Variants in STAT3 observed in about 807,000 individuals in gnomAD.
STAT3 encodes the protein signal transducer and activator of transcription 3, also known as DNA-binding protein APRF.
In STAT3, 7 loss-of-function variants were observed where a neutral mutation model predicts 114.3. The ratio of observed to expected loss-of-function variants is 0.06; its 90% CI spans 0.03 to 0.11. The LOEUF (loss-of-function observed/expected upper bound fraction) is 0.11, where lower values mean the gene tolerates loss of function less well. STAT3 is among the 10% of genes least tolerant of loss of function. STAT3 has a pLI of 1.00. For synonymous variants in STAT3, 331 were observed against 354.5 expected, an observed-to-expected ratio of 0.93 and a Z score of 0.74; for missense variants, 364 against 960.9, an observed-to-expected ratio of 0.38 and a Z score of 8.21.
At chr17:42,380,104 A>G (rs1055592237) in intron 1 of STAT3, among the ~76,000 whole-genome samples, 2 of 151,518 alleles carry the variant, frequency 1.3e-5, no homozygotes, top group African/African-American at 2.4e-5. Flanking sequence ...GCGCGATCTC[A>G]GCTCACTGCA....
chr17:42,373,686 G>A (rs970945265), intron 1 of STAT3, among the ~76,000 whole-genome samples: 2 of 151,784 alleles, frequency 1.3e-5, no homozygotes, highest in African/African-American at 2.4e-5. Flanking sequence ...TCAGGAGATC[G>A]AGACCATCCT....
At chr17:42,352,391 G>A (rs2083012012) in intron 1 of STAT3, among the ~76,000 whole-genome samples, 1 of 152,068 alleles carries the variant, frequency 6.6e-6, no homozygotes, top group African/African-American at 2.4e-5. Flanking sequence ...ACCTGCCACA[G>A]GACAAATGCT....
rs184004630 is a variant in STAT3 at position 42,342,155 on chromosome 17, G to A, written c.373-2746C>T. On this transcript the variant is annotated intron_variant, in intron 4 of 23. Transcript: ENST00000264657. Reference sequence around the variant, plus strand: ...CACAGTAAGTGTTACCTACCACCTCGCTCACACCTGAGCATATCAGTTTTC... The same window carrying A: ...CACAGTAAGTGTTACCTACCACCTCACTCACACCTGAGCATATCAGTTTTC... 3.3e-5 allele frequency among the ~76,000 whole-genome samples: 5 copies of A among 150,656 alleles called. No homozygotes were observed. In the East Asian group the frequency reaches 5.9e-4, roughly 18 times the overall value.
At position 42,316,763 on chromosome 17, in the gene STAT3, A is replaced by T. The variant is rs371680667; in HGVS notation, c.2257+26T>A. 5.0e-6 allele frequency: 8 copies of T among 1,613,416 alleles called. No individual in the cohort carries two copies. In the African/African-American group the frequency reaches 9.3e-5, roughly 19 times the overall value. ...AAGGGGACCAACTTCCCTTATAGGG[A>T]CAAAGTCTGTCAACCAAATACTCAC... is the stretch of plus-strand genomic sequence containing the variant. On this transcript the variant is annotated intron_variant, in intron 23 of 23. Coordinates refer to ENST00000264657, the MANE Select transcript of STAT3 (RefSeq NM_139276.3).
intron 2 of STAT3, among the ~76,000 whole-genome samples, chr17:42,347,081 G>A (rs921626929): frequency 6.6e-6 from 1 of 151,322 alleles, no homozygotes; most frequent in Non-Finnish European, 1.5e-5. Flanking sequence ...CCAGCTACTC[G>A]GGAGGCTGAG....
chr17:42,328,477 G>A (rs1481923169), intron 14 of STAT3, among the ~76,000 whole-genome samples: 1 of 152,056 alleles, frequency 6.6e-6, no homozygotes, highest in Non-Finnish European at 1.5e-5. Context: ...GCAAAATCTT[G>A]GCTCACTGCA....
chr17:42,379,350 G>T (rs1346724845), intron 1 of STAT3, among the ~76,000 whole-genome samples: 1 of 152,150 alleles, frequency 6.6e-6, no homozygotes, highest in Non-Finnish European at 1.5e-5. Context: ...CAAGCTGGGT[G>T]GTTCTTAACT....
At chr17:42,323,790 C>T (rs918044041) in intron 17 of STAT3, among the ~76,000 whole-genome samples, 165 bp from the exon 18 acceptor site, 3 of 152,188 alleles carry the variant, frequency 2.0e-5, no homozygotes, top group Admixed American at 2.0e-4. Flanking sequence ...TGAGGACAAA[C>T]ACTATCCCAT....
intron 14 of STAT3, among the ~76,000 whole-genome samples, chr17:42,326,507 TA>T (rs564681604): frequency 1.7e-4 from 24 of 142,180 alleles, no homozygotes; most frequent in South Asian, 4.5e-4. Context: ...GACCCTGTCT[TA>T]AAAAAAAATT....
In STAT3 at chr17:42,339,498, C is replaced by T. The variant is rs926612794; in HGVS notation, c.373-89G>A. The T allele has an allele frequency of 5.2e-6, 7 of 1,352,110 alleles. No homozygotes were observed. The African/African-American group carries it at 7.2e-5, about 14-fold the overall frequency. The allele number at this position is 1,352,110 out of a possible 1,614,324, so 83.8% of individuals were successfully genotyped here. The stretch of plus-strand genomic sequence containing the variant: ...CAGCTTCCATCCCACCCTAACTACC[C>T]TTCTTGTTTGGCTTGAGACGCTGCT... On this transcript the variant is annotated intron_variant, in intron 4 of 23. Transcript: ENST00000264657.
rs76487950 is a variant in STAT3 at position 42,338,501 on chromosome 17, T to G, written c.550+230A>C. On this transcript the variant is annotated intron_variant, in intron 6 of 23. Coordinates refer to ENST00000264657, the MANE Select transcript of STAT3 (RefSeq NM_139276.3). Reference sequence around the variant, plus strand: ...CTCCTGGACCTGAGGGAATACTCCTTGACCTGAGGGAATACTCCTTGACCT... The same window carrying G: ...CTCCTGGACCTGAGGGAATACTCCTGGACCTGAGGGAATACTCCTTGACCT... Among the ~76,000 whole-genome samples the G allele has an allele frequency of 0.021, 1,047 of 50,336 alleles. 86 individuals are homozygous for G. The highest frequency in any genetic ancestry group is 0.046 in the African/African-American group (472 of 10,270). The allele number at this position is 50,336 out of a possible 152,430, so 33.0% of individuals were successfully genotyped here. A position where few individuals can be genotyped will look rare whatever the true frequency, so the allele number is the denominator to read the frequency against.
chr17:42,382,813 A>ATTT (rs1296176145), intron 1 of STAT3, among the ~76,000 whole-genome samples: 2 of 149,800 alleles, frequency 1.3e-5, no homozygotes, highest in Non-Finnish European at 3.0e-5. Flanking sequence ...CGCTGGGCTA[A>ATTT]TTTTTTGTAT....
rs189961519 is a variant in STAT3, at chr17:42,378,777, C to A, written c.-24+9502G>T. 1.1e-3 allele frequency among the ~76,000 whole-genome samples: 174 copies of A among 152,200 alleles called. 1 individual carries two copies. The highest frequency in any genetic ancestry group is 6.8e-3 in the Middle Eastern group (2 of 294). On this transcript the variant is annotated intron_variant, in intron 1 of 23. Transcript: ENST00000264657. ...TTTACGGGAGAGGTAATTTACACAG[C>A]TAACATTTGGGTTTTCAAGATTACA...
At chr17:42,335,234 T>C (rs560192256) in intron 8 of STAT3, among the ~76,000 whole-genome samples, 2 of 152,254 alleles carry the variant, frequency 1.3e-5, no homozygotes, top group South Asian at 2.1e-4. Context: ...GTGATCCTCC[T>C]ACCTCAGCTT....
intron 1 of STAT3, among the ~76,000 whole-genome samples, chr17:42,365,846 G>A (rs945066696): frequency 6.6e-6 from 1 of 151,916 alleles, no homozygotes; most frequent in African/African-American, 2.4e-5. Flanking sequence ...AGTAGAGACA[G>A]GGTTTCACCA....
rs8069115 is a variant in STAT3 at position 42,317,162 on chromosome 17, G to A, written c.2144+20C>T. On this transcript the variant is annotated intron_variant, in intron 22 of 23. Transcript: ENST00000264657. ...AGGATATTAGAAATGAAGGCAAAAC[G>A]GGGAAAGGAAGCCACTTACGGTGTC... The A allele has an allele frequency of 6.8e-3, 10,988 of 1,613,918 alleles. 596 individuals carry two copies. In the African/African-American group the frequency reaches 0.12, roughly 18 times the overall value.
chr17:42,332,085 G>A (rs546260388), intron 10 of STAT3, among the ~76,000 whole-genome samples: 62 of 151,638 alleles, frequency 4.1e-4, no homozygotes, highest in Non-Finnish European at 1.5e-4. Flanking sequence ...GCGCCACCAC[G>A]CTCAGCTAAT....
chr17:42,361,466 A>G (rs1355080745), intron 1 of STAT3, among the ~76,000 whole-genome samples: 1 of 151,530 alleles, frequency 6.6e-6, no homozygotes, highest in African/African-American at 2.4e-5. Flanking sequence ...CTGGGCAACA[A>G]GAGCAAAACT....
intron 1 of STAT3, among the ~76,000 whole-genome samples, chr17:42,373,843 C>T (rs1238136325): frequency 2.7e-5 from 4 of 149,878 alleles, no homozygotes; most frequent in Non-Finnish European, 4.4e-5. Flanking sequence ...CGAGATCGCG[C>T]CACTACACTC....
Sources: gnomAD v4.1 joint callset for allele counts (sites outside exome capture counted in the v4.1 genomes callset) on GRCh38, gnomAD v4.1.1 for gene constraint, MANE v1.5 for transcripts, NCBI Gene and HGNC (gene_info 2026-07-23, HGNC 2026-07-21) for gene names.